Variants in RFTN1 observed in about 807,000 individuals in gnomAD.
The protein encoded by RFTN1 is raftlin, lipid raft linker 1, also known as raftlin.
In RFTN1, 26 loss-of-function variants were observed where a neutral mutation model predicts 46.5. The ratio of observed to expected loss-of-function variants is 0.56; its 90% CI spans 0.41 to 0.78. RFTN1 has a LOEUF of 0.78. RFTN1 is among the 30% of genes least tolerant of loss of function. The pLI is 0.00. For missense variants in RFTN1, 693 were observed against 718.7 expected (o/e 0.96, Z 0.41); for synonymous variants, 261 against 284.2 (o/e 0.92, Z 0.82).
rs1344059037 is a variant in RFTN1, at chr3:16,500,650, G to C, written c.-8-6773C>G. Reference sequence around the variant, plus strand: ...ATCTGGAAACAAAGATCCCTTGAATGGTGATCTTCTGGAAAAAATTTTGGC... The same window carrying C: ...ATCTGGAAACAAAGATCCCTTGAATCGTGATCTTCTGGAAAAAATTTTGGC... On this transcript the variant is annotated intron_variant, in intron 1 of 9. Transcript: ENST00000334133. This position sits in a 1 kb window ranked among gnomAD's most constrained non-coding sequence, Gnocchi z 5.9. Among the ~76,000 whole-genome samples the C allele has an allele frequency of 6.6e-6, 1 of 152,196 alleles. No individual in the cohort carries two copies. The highest frequency in any genetic ancestry group is 1.5e-5 in the Non-Finnish European group (1 of 68,028).
At chr3:16,445,626 AT>A (rs1235339052) in intron 2 of RFTN1, among the ~76,000 whole-genome samples, 1 of 152,132 alleles carries the variant, frequency 6.6e-6, no homozygotes, top group Non-Finnish European at 1.5e-5. Context: ...TGTTCAACCA[AT>A]TTCAAAGATT....
chr3:16,369,013 T>C (rs1296198320), intron 6 of RFTN1, among the ~76,000 whole-genome samples: 1 of 152,216 alleles, frequency 6.6e-6, no homozygotes, highest in Non-Finnish European at 1.5e-5. Context: ...CACTACACTA[T>C]ACAATGCCTG....
chr3:16,347,291 T>G lies in RFTN1; in HGVS notation c.1146+10641A>C, dbSNP rs892523152. The stretch of plus-strand genomic sequence containing the variant: ...TGGAGAGACGTCCATGCATGTTATA[T>G]CCATTTTCTAGGGGGGGCTATAACA... On this transcript the variant is annotated intron_variant, in intron 7 of 9. Coordinates refer to ENST00000334133, the MANE Select transcript of RFTN1 (RefSeq NM_015150.2). Among the ~76,000 whole-genome samples, 5 of 152,328 alleles carry G rather than the reference T, an allele frequency of 3.3e-5. No individual in the cohort carries two copies. In the South Asian group the frequency reaches 1.0e-3, roughly 32 times the overall value.
intron 4 of RFTN1, among the ~76,000 whole-genome samples, chr3:16,396,309 A>C (rs2074468277): frequency 6.6e-6 from 1 of 152,082 alleles, no homozygotes; most frequent in Non-Finnish European, 1.5e-5. Context: ...TTTTTTTAGA[A>C]ACAGGATTTT....
In RFTN1 at chr3:16,352,949, C is replaced by T. The variant is rs529560589; in HGVS notation, c.1146+4983G>A. Among the ~76,000 whole-genome samples, 18 of 152,236 alleles carry T rather than the reference C, an allele frequency of 1.2e-4. No homozygotes were observed. The highest frequency in any genetic ancestry group is 2.2e-4 in the Non-Finnish European group (15 of 68,030). ...CTGCACTGTCCGCACACTACATTTT[C>T]GTGTGTCCATGCACGTGAAGAGAGA... On this transcript the variant is annotated intron_variant, in intron 7 of 9. Coordinates refer to ENST00000334133, the MANE Select transcript of RFTN1 (RefSeq NM_015150.2). The surrounding 1 kb of genome is among the most constrained non-coding windows in gnomAD (Gnocchi z 4.6).
At chr3:16,403,854 T>TTA (rs1227636527) in intron 4 of RFTN1, among the ~76,000 whole-genome samples, 5 of 4,974 alleles carry the variant, frequency 1.0e-3, no homozygotes, top group Non-Finnish European at 1.3e-3. Flanking sequence ...AATATATATT[T>TTA]TATATATATT....
At position 16,500,587 on chromosome 3, in the gene RFTN1, C is replaced by A. The variant is rs2076694707; in HGVS notation, c.-8-6710G>T. Among the ~76,000 whole-genome samples, 1 of 152,136 alleles carries A rather than the reference C, an allele frequency of 6.6e-6. No homozygotes were observed. Among genetic ancestry groups the A allele is most frequent in the Non-Finnish European group, 1.5e-5 (1 of 68,034 alleles). On this transcript the variant is annotated intron_variant, in intron 1 of 9. Transcript: ENST00000334133. The surrounding 1 kb of genome is among the most constrained non-coding windows in gnomAD (Gnocchi z 5.9). ...AAGTAATCAGAAGAAGGTTCCGAGA[C>A]CCGAACTGCAAGAAGAAGATGACAG...
intron 3 of RFTN1, among the ~76,000 whole-genome samples, chr3:16,414,451 A>G (rs1207748552): frequency 6.6e-6 from 1 of 152,032 alleles, no homozygotes; most frequent in African/African-American, 2.4e-5. Context: ...TACTAAAAAT[A>G]CAAAAATTAG....
chr3:16,325,202 A>G lies in RFTN1; in HGVS notation c.1250+1571T>C, dbSNP rs116816337. 4.6e-3 allele frequency among the ~76,000 whole-genome samples: 702 copies of G among 152,304 alleles called. 3 individuals carry two copies. Among genetic ancestry groups the G allele is most frequent in the African/African-American group, 0.016 (655 of 41,570 alleles). ...AATGGCTCATTTAAGCTTCACCTCA[A>G]TGCTCCACGGAATCCAACTACCACT... is the stretch of plus-strand genomic sequence containing the variant. On this transcript the variant is annotated intron_variant, in intron 8 of 9. Coordinates refer to ENST00000334133, the MANE Select transcript of RFTN1 (RefSeq NM_015150.2).
intron 4 of RFTN1, among the ~76,000 whole-genome samples, chr3:16,395,435 C>A (rs62236301): frequency 0.04 from 6,027 of 150,440 alleles, 161 homozygotes; most frequent in Middle Eastern, 0.062. Context: ...ACTCATGAGA[C>A]CAAGGAGCTG....
intron 3 of RFTN1, among the ~76,000 whole-genome samples, chr3:16,417,109 A>G (rs966090805): frequency 6.6e-6 from 1 of 151,184 alleles, no homozygotes; most frequent in African/African-American, 2.4e-5. Context: ...TCCTGGGCTC[A>G]AGCAATCCTC....
At chr3:16,358,425 T>C (rs2125333989) in intron 6 of RFTN1, among the ~76,000 whole-genome samples, 1 of 122,582 alleles carries the variant, frequency 8.2e-6, no homozygotes. Context: ...TATATTTAGG[T>C]GAGGGTTTTT....
At chr3:16,482,832 G>A (rs1219078247) in intron 2 of RFTN1, 2 of 1,535,886 alleles carry the variant, frequency 1.3e-6, no homozygotes, top group African/African-American at 2.7e-5. Flanking sequence ...GGGCAGAACA[G>A]CCTTTCTGCC....
At position 16,344,296 on chromosome 3, in the gene RFTN1, A is replaced by G. The variant is rs1575068661; in HGVS notation, c.1146+13636T>C. 2.0e-5 allele frequency among the ~76,000 whole-genome samples: 3 copies of G among 152,202 alleles called. No individual in the cohort carries two copies. Among genetic ancestry groups the G allele is most frequent in the Admixed American group, 2.0e-4 (3 of 15,276 alleles). ...TTAAGAAGTCAGGGAAACCTACTCA[A>G]AAAAGAAAGTGGATTAGATCAGTAA... On this transcript the variant is annotated intron_variant, in intron 7 of 9. Transcript: ENST00000334133. This position sits in a 1 kb window ranked among gnomAD's most constrained non-coding sequence, Gnocchi z 4.4.
chr3:16,361,638 C>T lies in RFTN1; in HGVS notation c.1031-3591G>A, dbSNP rs888611536. Among the ~76,000 whole-genome samples the T allele has an allele frequency of 6.6e-6, 1 of 152,112 alleles. No individual in the cohort carries two copies. On this transcript the variant is annotated intron_variant, in intron 6 of 9. Transcript: ENST00000334133. This position sits in a 1 kb window ranked among gnomAD's most constrained non-coding sequence, Gnocchi z 4.3. ...GAGTGAACGAAGGACAGCCAAGGAC[C>T]AGGTGAGCAGCAGAATCAGGAGAGA... is the stretch of plus-strand genomic sequence containing the variant.
In RFTN1 at chr3:16,468,573, G is replaced by A. The variant is rs1253373654; in HGVS notation, c.145+25152C>T. Reference sequence around the variant, plus strand: ...TAATGCATAAATCAGCCCAAATAGAGTGATGGAGTAGCGGGGAGAGGCTGA... The same window carrying A: ...TAATGCATAAATCAGCCCAAATAGAATGATGGAGTAGCGGGGAGAGGCTGA... On this transcript the variant is annotated intron_variant, in intron 2 of 9. Transcript: ENST00000334133. The surrounding 1 kb of genome is among the most constrained non-coding windows in gnomAD (Gnocchi z 4.4). 6.6e-6 allele frequency among the ~76,000 whole-genome samples: 1 copy of A among 150,698 alleles called. No individual in the cohort carries two copies. The highest frequency in any genetic ancestry group is 1.5e-5 in the Non-Finnish European group (1 of 67,894).
intron 6 of RFTN1, among the ~76,000 whole-genome samples, chr3:16,365,339 G>A (rs997528667): frequency 3.3e-5 from 5 of 152,148 alleles, no homozygotes; most frequent in Non-Finnish European, 7.3e-5. Flanking sequence ...ACTATCATTA[G>A]CCACCTTCTG....
intron 2 of RFTN1, among the ~76,000 whole-genome samples, chr3:16,485,448 G>T (rs141186650): frequency 1.5e-4 from 23 of 152,012 alleles, no homozygotes; most frequent in East Asian, 9.6e-4. Flanking sequence ...ACATACAACA[G>T]CAAGGACTCC....
intron 9 of RFTN1, among the ~76,000 whole-genome samples, 193 bp downstream of exon 9, chr3:16,323,183 G>A (rs1198929290): frequency 6.6e-6 from 1 of 152,126 alleles, no homozygotes; most frequent in Non-Finnish European, 1.5e-5. Context: ...TGGCAGACAA[G>A]GCCCTCCAGT....
Sources: allele counts gnomAD v4.1 joint callset (sites outside exome capture counted in the v4.1 genomes callset), GRCh38; gene constraint gnomAD v4.1.1; non-coding constraint Gnocchi (gnomAD v3.1); transcripts MANE v1.5; gene names NCBI Gene and HGNC (gene_info 2026-07-23, HGNC 2026-07-21).